Variants in DOCK2 observed in about 807,000 individuals in gnomAD.
DOCK2 encodes dedicator of cytokinesis 2.
DOCK2 carries 87 observed loss-of-function variants against 248.9 expected under a neutral mutation model. The observed-to-expected ratio is 0.35, with a 90% CI of 0.29 to 0.42. The LOEUF is 0.42. Among genes scored for constraint, DOCK2 ranks in the 10% least tolerant of loss-of-function variants. The probability of loss-of-function intolerance (pLI) is 1.00; values close to 1 mark genes in which losing one functional copy is unlikely to be tolerated. For missense variants in DOCK2, 1,747 were observed against 2,300.2 expected (o/e 0.76, Z 4.92); for synonymous variants, 805 against 821.6 (o/e 0.98, Z 0.35).
At chr5:169,792,382 T>A (rs1003110738) in intron 25 of DOCK2, among the ~76,000 whole-genome samples, 2 of 151,402 alleles carry the variant, frequency 1.3e-5, no homozygotes, top group African/African-American at 4.9e-5. Context: ...ATTTTATATA[T>A]GTATACATGT....
chr5:169,801,381 C>G (rs553760866), intron 25 of DOCK2, among the ~76,000 whole-genome samples: 1 of 152,076 alleles, frequency 6.6e-6, no homozygotes, highest in South Asian at 2.1e-4. Context: ...GCTGTGTACA[C>G]ATGACAAGTC....
intron 44 of DOCK2, 105 bp downstream of exon 44, chr5:170,057,771 T>C (rs1581563514): frequency 2.0e-6 from 2 of 995,894 alleles, no homozygotes; most frequent in Non-Finnish European, 2.9e-6. Flanking sequence ...TGTTTTTCTT[T>C]GAAGCTGCTG....
chr5:170,069,257 C>T, intron 46 of DOCK2, 37 bp downstream of exon 46: 1 of 1,605,496 alleles, frequency 6.2e-7, no homozygotes, highest in South Asian at 1.1e-5. Context: ...TGCTGCTCTC[C>T]TTCCTCTCCC....
chr5:169,964,267 T>C (rs923223816), intron 27 of DOCK2, among the ~76,000 whole-genome samples: 5 of 152,242 alleles, frequency 3.3e-5, no homozygotes, highest in South Asian at 4.1e-4. Context: ...GACTTCTGGA[T>C]TGGGACTCCC....
intron 35 of DOCK2, 35 bp from the exon 36 acceptor site, chr5:170,036,480 A>G: frequency 6.2e-7 from 1 of 1,608,720 alleles, no homozygotes; most frequent in Non-Finnish European, 8.5e-7. Flanking sequence ...ATTGCAGAGA[A>G]CAACACTCAT....
At chr5:169,934,684 G>A (rs1243189755) in intron 27 of DOCK2, 2 of 456,110 alleles carry the variant, frequency 4.4e-6, no homozygotes, top group Non-Finnish European at 8.8e-6. Flanking sequence ...AACCGATTGG[G>A]TGCTACGGAG....
chr5:170,071,034 C>T (rs959537222), intron 46 of DOCK2, among the ~76,000 whole-genome samples: 4 of 152,188 alleles, frequency 2.6e-5, no homozygotes, highest in Non-Finnish European at 5.9e-5. Context: ...GCTCCTGAGA[C>T]CACCTATACA....
intron 27 of DOCK2, among the ~76,000 whole-genome samples, chr5:169,887,943 A>G (rs1246491057): frequency 1.3e-5 from 2 of 152,240 alleles, no homozygotes; most frequent in Admixed American, 1.3e-4. Context: ...TAAAGTAGAA[A>G]AGAAATTGTA....
At position 169,747,386 on chromosome 5, in the gene DOCK2, C is replaced by G; in HGVS notation, c.2268-10C>G. The G allele has an allele frequency of 1.2e-6, 2 of 1,608,974 alleles. No homozygotes were observed. Among genetic ancestry groups the G allele is most frequent in the Non-Finnish European group, 8.5e-7 (1 of 1,178,024 alleles). ...AGCTTGAGAAATGACCCAGATGTAT[C>G]TTGTTTCAGGCTTTATGAAGGCAAA... On this transcript the variant is annotated splice_polypyrimidine_tract_variant and intron_variant, in intron 22 of 51. Coordinates refer to ENST00000520908, the MANE Select transcript of DOCK2 (RefSeq NM_004946.3).
At chr5:170,025,840 C>CTTCT (rs1755894062) in intron 33 of DOCK2, among the ~76,000 whole-genome samples, 1 of 119,976 alleles carries the variant, frequency 8.3e-6, no homozygotes, top group Non-Finnish European at 1.7e-5. Context: ...TCCTTCCTTC[C>CTTCT]TTCCTTCTTT....
intron 25 of DOCK2, among the ~76,000 whole-genome samples, chr5:169,770,290 C>CTTTTTTTTTTTT (rs60938799): frequency 9.8e-6 from 1 of 101,640 alleles, no homozygotes; most frequent in African/African-American, 4.0e-5. Context: ...ATTCTTGAGT[C>CTTTTTTTTTTTT]TTTTTTTTTT....
rs946166575 is a variant in DOCK2 at position 169,637,297 on chromosome 5, C to T, written c.-30C>T. On this transcript the variant is annotated 5_prime_UTR_variant, in exon 1 of 52. Transcript: ENST00000520908. ...CCCAGCCACCCCCTGACGGCTTCCC[C>T]ACGGGAGGACGCGAGGCCCCGGCCC... 1 of 1,431,996 alleles carries T rather than the reference C, an allele frequency of 7.0e-7. No individual in the cohort carries two copies. The highest frequency in any genetic ancestry group is 9.1e-7 in the Non-Finnish European group (1 of 1,096,656). 88.7% of individuals were successfully genotyped at this position (1,431,996 alleles called of 1,614,324 possible).
At chr5:169,804,483 T>TGCGCGCGCGC (rs1201108811) in intron 26 of DOCK2, among the ~76,000 whole-genome samples, 2 of 64,226 alleles carry the variant, frequency 3.1e-5, no homozygotes, top group Non-Finnish European at 3.9e-5. Flanking sequence ...TGTGTGTGTG[T>TGCGCGCGCGC]GTGCGCGCGC....
At chr5:169,839,156 G>A (rs1441892942) in intron 26 of DOCK2, among the ~76,000 whole-genome samples, 1 of 152,164 alleles carries the variant, frequency 6.6e-6, no homozygotes, top group East Asian at 1.9e-4. Context: ...GGAGACACAA[G>A]GCTGTTCCCA....
intron 25 of DOCK2, chr5:169,773,033 C>T (rs979383324): frequency 4.6e-5 from 7 of 152,192 alleles, no homozygotes; most frequent in Admixed American, 1.3e-4. Flanking sequence ...GAGGAGCCCA[C>T]TTTGCCCGTT....
intron 27 of DOCK2, among the ~76,000 whole-genome samples, chr5:169,891,073 C>T (rs976083089): frequency 5.9e-5 from 9 of 152,222 alleles, no homozygotes; most frequent in African/African-American, 2.2e-4. Flanking sequence ...TGTCTACCTT[C>T]CTTGTCCCAT....
At chr5:169,676,980 C>T (rs1759368416) in intron 6 of DOCK2, among the ~76,000 whole-genome samples, 1 of 152,188 alleles carries the variant, frequency 6.6e-6, no homozygotes, top group African/African-American at 2.4e-5. Flanking sequence ...CATATATTAA[C>T]TCTGTGAAGT....
At chr5:170,003,182 T>C (rs1754899772) in intron 30 of DOCK2, among the ~76,000 whole-genome samples, 1 of 152,224 alleles carries the variant, frequency 6.6e-6, no homozygotes, top group Non-Finnish European at 1.5e-5. Context: ...GTCAAGCCTA[T>C]AGTGGATGCC....
chr5:169,681,736 C>T lies in DOCK2; in HGVS notation c.471-8C>T, dbSNP rs1395096914. On this transcript the variant is annotated splice_polypyrimidine_tract_variant and splice_region_variant and intron_variant, in intron 6 of 51. Coordinates refer to ENST00000520908, the MANE Select transcript of DOCK2 (RefSeq NM_004946.3). Reference sequence around the variant, plus strand: ...GATTTGTCTTCACCTCCAGTTTTTGCTTTACAGAATCCTTGAGCTTGATTT... The same window carrying T: ...GATTTGTCTTCACCTCCAGTTTTTGTTTTACAGAATCCTTGAGCTTGATTT... 23 of 1,611,730 alleles carry T rather than the reference C, an allele frequency of 1.4e-5. No individual in the cohort carries two copies. Among genetic ancestry groups the T allele is most frequent in the Non-Finnish European group, 1.9e-5 (22 of 1,179,134 alleles).
Sources: allele counts gnomAD v4.1 joint callset (sites outside exome capture counted in the v4.1 genomes callset), GRCh38; gene constraint gnomAD v4.1.1; transcripts MANE v1.5; gene names NCBI Gene and HGNC (gene_info 2026-07-23, HGNC 2026-07-21).